The following B4GALT6 variants were observed in gnomAD, a reference collection of about 807,000 sequenced individuals.
The protein encoded by B4GALT6 is UDP-Gal:beta-GlcNAc beta-1,4-galactosyltransferase 6.
B4GALT6 carries 14 observed loss-of-function variants against 46.3 expected under a neutral mutation model. The ratio of observed to expected loss-of-function variants is 0.30; its 90% CI spans 0.20 to 0.47. B4GALT6 has a LOEUF of 0.47. Ranked by LOEUF, B4GALT6 falls within the 20% of genes least tolerant of loss-of-function variation. The probability of loss-of-function intolerance (pLI) is 0.99; values close to 1 mark genes in which losing one functional copy is unlikely to be tolerated. For synonymous variants in B4GALT6, 168 were observed against 162.0 expected, an observed-to-expected ratio of 1.04 and a Z score of -0.28; for missense variants, 386 against 480.1, an observed-to-expected ratio of 0.80 and a Z score of 1.83.
At chr18:31,674,922 T>C (rs1310532913) in intron 1 of B4GALT6, among the ~76,000 whole-genome samples, 1 of 152,216 alleles carries the variant, frequency 6.6e-6, no homozygotes, top group Non-Finnish European at 1.5e-5. Flanking sequence ...AAACCATGTA[T>C]GAACTCAAGG....
chr18:31,653,435 C>CTTTTTTTTTTT (rs5823819), intron 3 of B4GALT6, among the ~76,000 whole-genome samples: 6 of 74,146 alleles, frequency 8.1e-5, no homozygotes, highest in African/African-American at 1.6e-4. Context: ...AACCTTTTTT[C>CTTTTTTTTTTT]TTTTTTTTTT....
At chr18:31,681,650 T>G (rs963603593) in intron 1 of B4GALT6, among the ~76,000 whole-genome samples, 1 of 152,210 alleles carries the variant, frequency 6.6e-6, no homozygotes, top group African/African-American at 2.4e-5. Flanking sequence ...AACTGTGTGA[T>G]GTATCTGCTC....
At chr18:31,704,842 A>T in the B4GALT6 span, among the ~76,000 whole-genome samples, 1 of 152,232 alleles carries the variant, frequency 6.6e-6, no homozygotes, top group East Asian at 1.9e-4. Context: ...AGGAAAATGA[A>T]AAGACTCACG....
chr18:31,657,857 A>C, intron 3 of B4GALT6, 119 bp downstream of exon 3: 1 of 669,028 alleles, frequency 1.5e-6, no homozygotes, highest in East Asian at 2.6e-5. Context: ...ATGCTGCATA[A>C]TATAAACATT....
In B4GALT6 at chr18:31,641,474, T is replaced by C. The variant is rs1393978961; in HGVS notation, c.472-2714A>G. ...AGCTAAACAATATCTTAAAAGTTCA[T>C]CTGGCACATCAGTTCTTGTGTTTGT... is the stretch of plus-strand genomic sequence containing the variant. On this transcript the variant is annotated intron_variant, in intron 4 of 8. Transcript: ENST00000306851. 2.0e-5 allele frequency among the ~76,000 whole-genome samples: 3 copies of C among 152,252 alleles called. No homozygotes were observed. In the East Asian group the frequency reaches 5.8e-4, roughly 29 times the overall value.
intron 1 of B4GALT6, among the ~76,000 whole-genome samples, chr18:31,669,512 A>G (rs547644842): frequency 5.3e-5 from 8 of 152,280 alleles, no homozygotes; most frequent in African/African-American, 1.9e-4. Flanking sequence ...TTATTCTTGT[A>G]TAGACTTTTT....
intron 1 of B4GALT6, among the ~76,000 whole-genome samples, chr18:31,670,106 T>C (rs1428549243): frequency 1.3e-5 from 2 of 151,362 alleles, no homozygotes; most frequent in Non-Finnish European, 2.9e-5. Context: ...CAGGTTGGAG[T>C]GCGGTAGCTC....
chr18:31,683,177 T>C (rs894771597), intron 1 of B4GALT6, among the ~76,000 whole-genome samples: 2 of 152,208 alleles, frequency 1.3e-5, no homozygotes, highest in African/African-American at 2.4e-5. Context: ...AATGAAGCAG[T>C]CTGGATTAGG....
At chr18:31,723,799 G>A in the B4GALT6 span, among the ~76,000 whole-genome samples, 1 of 152,208 alleles carries the variant, frequency 6.6e-6, no homozygotes, top group Non-Finnish European at 1.5e-5. Context: ...TTGCAGGTCA[G>A]TTGCTTTCCC....
At chr18:31,679,486 C>T (rs1212202065) in intron 1 of B4GALT6, among the ~76,000 whole-genome samples, 1 of 152,202 alleles carries the variant, frequency 6.6e-6, no homozygotes, top group African/African-American at 2.4e-5. Context: ...AGGAGGGTAG[C>T]AAATCCCATC....
chr18:31,654,606 G>A (rs1275496487), intron 3 of B4GALT6, among the ~76,000 whole-genome samples: 2 of 152,172 alleles, frequency 1.3e-5, no homozygotes, highest in Non-Finnish European at 2.9e-5. Context: ...GAAATCCAGT[G>A]CCAGTGTTTC....
At chr18:31,656,226 T>C (rs1047179670) in intron 3 of B4GALT6, among the ~76,000 whole-genome samples, 3 of 152,116 alleles carry the variant, frequency 2.0e-5, no homozygotes, top group African/African-American at 7.2e-5. Context: ...ACAAATATGA[T>C]AGGCAAAGGC....
At chr18:31,666,219 T>C in intron 2 of B4GALT6, 37 bp downstream of exon 2, 1 of 1,262,246 alleles carries the variant, frequency 7.9e-7, no homozygotes, top group Non-Finnish European at 1.1e-6. Context: ...GTTTACTGCT[T>C]TGTAACTACA....
chr18:31,629,707 A>G (rs1459648969), intron 6 of B4GALT6, among the ~76,000 whole-genome samples: 12 of 150,366 alleles, frequency 8.0e-5, no homozygotes, highest in Admixed American at 1.3e-4. Flanking sequence ...AAAATTAGCC[A>G]GGCGTGGTGG....
At chr18:31,629,846 T>C (rs1305884917) in intron 6 of B4GALT6, among the ~76,000 whole-genome samples, 6 of 136,502 alleles carry the variant, frequency 4.4e-5, no homozygotes, top group Admixed American at 3.0e-4. Flanking sequence ...CGAGACTCTG[T>C]CTCAAAAAAA....
chr18:31,676,180 C>T (rs2074412087), intron 1 of B4GALT6, among the ~76,000 whole-genome samples: 1 of 150,230 alleles, frequency 6.7e-6, no homozygotes, highest in Admixed American at 6.6e-5. Flanking sequence ...GAGCAATTAA[C>T]TTAATTATCA....
chr18:31,720,657 G>A, the B4GALT6 span, among the ~76,000 whole-genome samples: 1 of 152,220 alleles, frequency 6.6e-6, no homozygotes, highest in Non-Finnish European at 1.5e-5. Context: ...GAATGAGACT[G>A]TGTGGATTGA....
intron 6 of B4GALT6, among the ~76,000 whole-genome samples, chr18:31,628,990 C>T (rs1375483330): frequency 1.3e-5 from 2 of 152,192 alleles, no homozygotes; most frequent in Admixed American, 1.3e-4. Flanking sequence ...CCAATCCCTC[C>T]TCTTCCTTAG....
At chr18:31,693,996 G>T in the B4GALT6 span, among the ~76,000 whole-genome samples, 1 of 152,222 alleles carries the variant, frequency 6.6e-6, no homozygotes, top group East Asian at 1.9e-4. Context: ...GTAATGAAAA[G>T]GATAGGAAAT....
Sources: gnomAD v4.1 joint callset for allele counts (sites outside exome capture counted in the v4.1 genomes callset) on GRCh38, gnomAD v4.1.1 for gene constraint, MANE v1.5 for transcripts, NCBI Gene and HGNC (gene_info 2026-07-23, HGNC 2026-07-21) for gene names.